Variants in ADGRB3 observed in about 807,000 individuals in gnomAD.
The protein encoded by ADGRB3 is adhesion G protein-coupled receptor B3, also known as brain-specific angiogenesis inhibitor 3.
ADGRB3 carries 37 observed loss-of-function variants against 193.4 expected under a neutral mutation model. That is an observed-to-expected ratio of 0.19 (90% confidence interval 0.15 to 0.25). The LOEUF (loss-of-function observed/expected upper bound fraction) is 0.25. ADGRB3 is among the 10% of genes least tolerant of loss of function. The pLI, the probability that ADGRB3 is intolerant of heterozygous loss-of-function variation, is 1.00. For synonymous variants in ADGRB3, 690 were observed against 644.2 expected, an observed-to-expected ratio of 1.07 and a Z score of -1.08; for missense variants, 1,637 against 1,852.9, an observed-to-expected ratio of 0.88 and a Z score of 2.14.
At chr6:69,216,552 G>C (rs1013254786) in intron 17 of ADGRB3, among the ~76,000 whole-genome samples, 6 of 152,090 alleles carry the variant, frequency 3.9e-5, no homozygotes, top group Non-Finnish European at 8.8e-5. Flanking sequence ...AAAAAGTCCC[G>C]AACCACAGAA....
At chr6:69,343,062 A>C (rs1769010728) in intron 26 of ADGRB3, among the ~76,000 whole-genome samples, 1 of 151,994 alleles carries the variant, frequency 6.6e-6, no homozygotes, top group African/African-American at 2.4e-5. Context: ...ATAGCCTTGA[A>C]GTTTAAGAAG....
intron 11 of ADGRB3, among the ~76,000 whole-genome samples, chr6:68,994,260 AT>A (rs1200458513): frequency 6.6e-6 from 1 of 152,180 alleles, no homozygotes; most frequent in Non-Finnish European, 1.5e-5. Context: ...TATCATGGAT[AT>A]TTTATTCCCA....
intron 8 of ADGRB3, among the ~76,000 whole-genome samples, chr6:68,964,751 G>T (rs1181646841): frequency 2.0e-5 from 3 of 152,146 alleles, no homozygotes; most frequent in Non-Finnish European, 4.4e-5. Flanking sequence ...TTGCTTATGA[G>T]TAAGTATATA....
chr6:69,277,076 A>C (rs907830501), intron 20 of ADGRB3, among the ~76,000 whole-genome samples: 1 of 150,082 alleles, frequency 6.7e-6, no homozygotes, highest in Non-Finnish European at 1.5e-5. Flanking sequence ...GCTCACTGCA[A>C]CCTCTGCCTC....
At chr6:68,917,030 G>A (rs773335209) in intron 3 of ADGRB3, among the ~76,000 whole-genome samples, 1 of 152,188 alleles carries the variant, frequency 6.6e-6, no homozygotes, top group Non-Finnish European at 1.5e-5. Context: ...GATGTGAGCA[G>A]TTAGGAGACC....
At chr6:69,149,246 C>A (rs2343259) in intron 17 of ADGRB3, among the ~76,000 whole-genome samples, 1 of 151,502 alleles carries the variant, frequency 6.6e-6, no homozygotes, top group African/African-American at 2.4e-5. Context: ...CCTTTTATTT[C>A]CTCTGACTGT....
At chr6:68,648,695 C>T (rs183301330) in intron 3 of ADGRB3, among the ~76,000 whole-genome samples, 20 of 148,188 alleles carry the variant, frequency 1.3e-4, no homozygotes. Context: ...ATTTGCTTTC[C>T]TGGGTGGTTC....
At chr6:68,963,409 C>T (rs1432350392) in intron 8 of ADGRB3, among the ~76,000 whole-genome samples, 1 of 152,074 alleles carries the variant, frequency 6.6e-6, no homozygotes, top group Non-Finnish European at 1.5e-5. Flanking sequence ...TAGCCTTGTT[C>T]TTATGACTTG....
At chr6:69,210,486 C>T (rs984658420) in intron 17 of ADGRB3, among the ~76,000 whole-genome samples, 2 of 152,136 alleles carry the variant, frequency 1.3e-5, no homozygotes, top group Non-Finnish European at 2.9e-5. Context: ...GCAACGCCCT[C>T]ACAGACACAT....
chr6:69,224,591 C>T (rs1765969584), intron 17 of ADGRB3, among the ~76,000 whole-genome samples: 1 of 152,140 alleles, frequency 6.6e-6, no homozygotes, highest in African/African-American at 2.4e-5. Flanking sequence ...CCCCTACCTA[C>T]ACCCAAGAAC....
At position 69,361,050 on chromosome 6, in the gene ADGRB3, C is replaced by T. The variant is rs1208635194; in HGVS notation, c.3777C>T (p.Pro1259=). Residue 1259 remains proline (P), a synonymous_variant, in exon 29 of 32, where the codon CCC becomes CCT. Coordinates refer to ENST00000370598, the MANE Select transcript of ADGRB3 (RefSeq NM_001704.3). ...AGCAACCCACAGGTTTGCACATGCCCATGAGTATGAATGAGCTTAGCAATC... is the reference window on the plus strand; with the variant it reads ...AGCAACCCACAGGTTTGCACATGCCTATGAGTATGAATGAGCTTAGCAATC... ...IIQQPTGLHM[P]MSMNELSNPC... is the part of the protein sequence containing the mutation. 3.1e-6 allele frequency: 5 copies of T among 1,612,678 alleles called. No individual in the cohort carries two copies. The highest frequency in any genetic ancestry group is 4.2e-6 in the Non-Finnish European group (5 of 1,179,218).
intron 3 of ADGRB3, among the ~76,000 whole-genome samples, chr6:68,747,411 T>C (rs1416587839): frequency 6.6e-6 from 1 of 152,248 alleles, no homozygotes; most frequent in African/African-American, 2.4e-5. Flanking sequence ...GAGTTTGTGC[T>C]AATGGATCAA....
At chr6:68,805,815 A>G (rs1233674218) in intron 3 of ADGRB3, among the ~76,000 whole-genome samples, 1 of 152,244 alleles carries the variant, frequency 6.6e-6, no homozygotes, top group Non-Finnish European at 1.5e-5. Context: ...TTATTCCATT[A>G]TATTTCCTAT....
At chr6:69,306,774 A>G (rs547386030) in intron 20 of ADGRB3, among the ~76,000 whole-genome samples, 1 of 151,572 alleles carries the variant, frequency 6.6e-6, no homozygotes, top group East Asian at 1.9e-4. Context: ...GTGGACAAAC[A>G]ATTTAAAAAA....
intron 22 of ADGRB3, among the ~76,000 whole-genome samples, chr6:69,329,340 A>G (rs994526706): frequency 6.6e-6 from 1 of 152,290 alleles, no homozygotes; most frequent in East Asian, 1.9e-4. Context: ...TATGTCAAGG[A>G]GCAATAACTA....
At position 69,069,127 on chromosome 6, in the gene ADGRB3, C is replaced by T. The variant is rs1771996195; in HGVS notation, c.2436+6091C>T. On this transcript the variant is annotated intron_variant, in intron 16 of 31. Coordinates refer to ENST00000370598, the MANE Select transcript of ADGRB3 (RefSeq NM_001704.3). ...TGAACATAAGACCCAGACTTAGCTC[C>T]TTCTAAGTATCATTTAAAATACTAA... 3.9e-5 allele frequency among the ~76,000 whole-genome samples: 6 copies of T among 152,078 alleles called. No homozygotes were observed. In the South Asian group the frequency reaches 1.0e-3, roughly 26 times the overall value.
At chr6:69,266,533 T>C (rs1412637294) in intron 20 of ADGRB3, among the ~76,000 whole-genome samples, 1 of 152,086 alleles carries the variant, frequency 6.6e-6, no homozygotes, top group Admixed American at 6.6e-5. Context: ...CCATTTGTAC[T>C]ATTTATTTAG....
intron 3 of ADGRB3, among the ~76,000 whole-genome samples, chr6:68,680,728 G>C (rs1764879212): frequency 6.6e-6 from 1 of 152,168 alleles, no homozygotes; most frequent in Non-Finnish European, 1.5e-5. Flanking sequence ...ATTCAGATAA[G>C]TAGGTAAATC....
chr6:69,018,055 C>T (rs1018962119), intron 12 of ADGRB3, among the ~76,000 whole-genome samples: 3 of 151,752 alleles, frequency 2.0e-5, no homozygotes, highest in Non-Finnish European at 2.9e-5. Context: ...GTAAAGAGCC[C>T]AATTTCAGTG....
Sources: gnomAD v4.1 joint callset for allele counts (sites outside exome capture counted in the v4.1 genomes callset) on GRCh38, gnomAD v4.1.1 for gene constraint, MANE v1.5 for transcripts, NCBI Gene and HGNC (gene_info 2026-07-23, HGNC 2026-07-21) for gene names.